SLC30A8: variants seen among roughly 807,000 people sequenced by gnomAD.
SLC30A8 encodes the protein proton-coupled zinc antiporter SLC30A8.
A neutral mutation model predicts 36.9 loss-of-function variants in SLC30A8; 27 were observed. That is an observed-to-expected ratio of 0.73 (90% CI 0.54 to 1.01). The LOEUF is 1.01. Among genes scored for constraint, SLC30A8 ranks in the 50% least tolerant of loss-of-function variants. SLC30A8 has a pLI of 0.00. For synonymous variants in SLC30A8, 164 were observed against 172.4 expected (o/e 0.95, Z 0.38); for missense variants, 439 against 452.0 (o/e 0.97, Z 0.26).
chr8:117,127,137 A>G (rs142634938), intron 2 of SLC30A8, among the ~76,000 whole-genome samples: 116 of 152,180 alleles, frequency 7.6e-4, no homozygotes, highest in African/African-American at 2.7e-3. Context: ...CCACAGGTAT[A>G]TAAATGTATT....
At chr8:117,160,506 A>G (rs1432627335) in intron 4 of SLC30A8, among the ~76,000 whole-genome samples, 3 of 152,062 alleles carry the variant, frequency 2.0e-5, no homozygotes, top group Non-Finnish European at 2.9e-5. Flanking sequence ...TTAAAGCTAC[A>G]CTGGGGAGTG....
intron 1 of SLC30A8, among the ~76,000 whole-genome samples, chr8:116,984,913 T>TATGAA (rs1310104390): frequency 1.3e-5 from 2 of 152,086 alleles, no homozygotes; most frequent in Non-Finnish European, 2.9e-5. Flanking sequence ...GTGTCAAGAC[T>TATGAA]ATGAACCCTT....
chr8:117,134,044 A>C (rs187704510), upstream of SLC30A8, among the ~76,000 whole-genome samples: 30 of 152,102 alleles, frequency 2.0e-4, no homozygotes, highest in Admixed American at 1.3e-3. Context: ...TAATAGTCTC[A>C]TTCTGAACCA....
intron 2 of SLC30A8, among the ~76,000 whole-genome samples, chr8:117,099,075 G>C (rs1293544248): frequency 1.3e-5 from 2 of 152,144 alleles, no homozygotes; most frequent in Non-Finnish European, 2.9e-5. Context: ...AATTAAGTCA[G>C]CATGCTAGAA....
chr8:117,029,243 T>C (rs1221724305), intron 1 of SLC30A8, among the ~76,000 whole-genome samples: 1 of 152,228 alleles, frequency 6.6e-6, no homozygotes, highest in Non-Finnish European at 1.5e-5. Context: ...TGTCAACTTT[T>C]GTATTGGCTA....
At chr8:116,979,663 A>G (rs1815189354) in intron 1 of SLC30A8, among the ~76,000 whole-genome samples, 2 of 152,214 alleles carry the variant, frequency 1.3e-5, no homozygotes, top group Non-Finnish European at 2.9e-5. Flanking sequence ...GGAGGCACAG[A>G]GCAGAAGTGT....
chr8:117,156,784 C>T lies in SLC30A8; in HGVS notation c.419-907C>T, dbSNP rs77690064. The stretch of plus-strand genomic sequence containing the variant: ...ACAGGTAGCATGTGGATTTGGAAAA[C>T]GTTATGAAGGTTGTCTGTAAATGAC... On this transcript the variant is annotated intron_variant, in intron 3 of 7. Transcript: ENST00000456015. Among the ~76,000 whole-genome samples the T allele has an allele frequency of 1.8e-3, 275 of 152,148 alleles. 12 individuals are homozygous for T. The East Asian group carries it at 0.043, about 24-fold the overall frequency.
chr8:117,083,996 A>C (rs552003067), intron 2 of SLC30A8, among the ~76,000 whole-genome samples: 86 of 152,288 alleles, frequency 5.6e-4, no homozygotes, highest in African/African-American at 2.0e-3. Context: ...CCCCAAGATA[A>C]GAGCACAGAG....
chr8:117,090,596 A>T (rs1270759148), intron 2 of SLC30A8, among the ~76,000 whole-genome samples: 1 of 152,162 alleles, frequency 6.6e-6, no homozygotes, highest in African/African-American at 2.4e-5. Context: ...GTTTCTTAAT[A>T]AGGGCACTAA....
chr8:117,168,669 C>T lies in SLC30A8; in HGVS notation c.830-2365C>T, dbSNP rs770553522. On this transcript the variant is annotated intron_variant, in intron 6 of 7. Transcript: ENST00000456015. ...ACAAGTGAAAAAAGGGTAGTGGGAT[C>T]ATGACTTAATTTCAAAGGGCCTAGA... Among the ~76,000 whole-genome samples, 5 of 152,228 alleles carry T rather than the reference C, an allele frequency of 3.3e-5. No homozygotes were observed. In the South Asian group the frequency reaches 8.3e-4, roughly 25 times the overall value.
chr8:117,019,197 A>C (rs1816624920), intron 1 of SLC30A8, among the ~76,000 whole-genome samples: 1 of 152,174 alleles, frequency 6.6e-6, no homozygotes, highest in Non-Finnish European at 1.5e-5. Flanking sequence ...ACTCCATGTT[A>C]TATCCTGAGT....
At chr8:117,170,210 A>G (rs1204429093) in intron 6 of SLC30A8, among the ~76,000 whole-genome samples, 1 of 152,198 alleles carries the variant, frequency 6.6e-6, no homozygotes, top group Non-Finnish European at 1.5e-5. Flanking sequence ...ACTAATGTGC[A>G]TCCAAGGTTG....
Position 117,094,463 on chromosome 8 carries a change from T to C in SLC30A8, c.-225-40817T>C, listed in dbSNP as rs558729679. On this transcript the variant is annotated intron_variant, in intron 2 of 10. Coordinates refer to the SLC30A8 transcript ENST00000427715. ...GAGACCCTGGAATGGGCCGCTCCTC[T>C]CTGCAGGCAGTGTGTCCTGATGAGT... Among the ~76,000 whole-genome samples, 18 of 152,294 alleles carry C rather than the reference T, an allele frequency of 1.2e-4. No homozygotes were observed. In the East Asian group the frequency reaches 3.1e-3, roughly 26 times the overall value.
intron 2 of SLC30A8, among the ~76,000 whole-genome samples, chr8:117,049,630 A>T (rs896187142): frequency 3.3e-5 from 5 of 152,216 alleles, no homozygotes; most frequent in African/African-American, 1.2e-4. Context: ...CTACTGCCTG[A>T]TATGTGTTCC....
At chr8:116,988,966 A>G (rs1267045235) in intron 1 of SLC30A8, among the ~76,000 whole-genome samples, 1 of 152,224 alleles carries the variant, frequency 6.6e-6, no homozygotes, top group Non-Finnish European at 1.5e-5. Context: ...CCTCAAGGGC[A>G]CTAATACTAT....
chr8:117,076,226 G>A (rs1818483551), intron 2 of SLC30A8, among the ~76,000 whole-genome samples: 1 of 152,082 alleles, frequency 6.6e-6, no homozygotes, highest in African/African-American at 2.4e-5. Flanking sequence ...TGTATTCCAA[G>A]CATTTCCTAT....
chr8:117,090,996 C>T (rs889751939), intron 2 of SLC30A8, among the ~76,000 whole-genome samples: 2 of 152,030 alleles, frequency 1.3e-5, no homozygotes, highest in African/African-American at 2.4e-5. Context: ...GATGAATAAA[C>T]CACTTTTTGA....
intron 1 of SLC30A8, among the ~76,000 whole-genome samples, chr8:117,003,386 T>TA (rs762835904): frequency 2.0e-5 from 3 of 152,254 alleles, no homozygotes; most frequent in Non-Finnish European, 4.4e-5. Flanking sequence ...TATACTAGCT[T>TA]ACTGAGTGTG....
chr8:116,951,286 A>C (rs1813983762), intron 1 of SLC30A8, among the ~76,000 whole-genome samples: 1 of 152,246 alleles, frequency 6.6e-6, no homozygotes, highest in Non-Finnish European at 1.5e-5. Flanking sequence ...AGTGTGAATT[A>C]ACCTAGGTGG....
Sources: allele counts gnomAD v4.1 joint callset (sites outside exome capture counted in the v4.1 genomes callset), GRCh38; gene constraint gnomAD v4.1.1; transcripts MANE v1.5; gene names NCBI Gene and HGNC (gene_info 2026-07-23, HGNC 2026-07-21).